The following CASD1 variants were observed in gnomAD, a reference collection of about 807,000 sequenced individuals.
CASD1 encodes the protein N-acetylneuraminate (7)9-O-acetyltransferase.
CASD1 carries 41 observed loss-of-function variants against 100.0 expected under a neutral mutation model. The observed-to-expected ratio is 0.41, with a 90% CI of 0.32 to 0.53. CASD1 has a LOEUF of 0.53. Ranked by LOEUF, CASD1 falls within the 20% of genes least tolerant of loss-of-function variation. CASD1 has a pLI of 0.25. For missense variants in CASD1, 774 were observed against 948.7 expected, an observed-to-expected ratio of 0.82 and a Z score of 2.42; for synonymous variants, 321 against 315.6, an observed-to-expected ratio of 1.02 and a Z score of -0.18.
At chr7:94,615,188 A>C in the CASD1 span, among the ~76,000 whole-genome samples, 1 of 152,046 alleles carries the variant, frequency 6.6e-6, no homozygotes, top group African/African-American at 2.4e-5. Flanking sequence ...GTGAAACCCC[A>C]TCTCTACTGA....
chr7:94,536,504 C>T (rs952770020), intron 8 of CASD1, among the ~76,000 whole-genome samples: 1 of 152,082 alleles, frequency 6.6e-6, no homozygotes, highest in African/African-American at 2.4e-5. Flanking sequence ...TTTTGTTCTT[C>T]TCCTGCAGAA....
chr7:94,631,779 T>G, the CASD1 span, among the ~76,000 whole-genome samples: 1 of 151,956 alleles, frequency 6.6e-6, no homozygotes. Context: ...AAAAGTCATT[T>G]CACTCTGTAT....
the CASD1 span, among the ~76,000 whole-genome samples, chr7:94,595,191 T>G: frequency 1.3e-5 from 2 of 152,178 alleles, no homozygotes; most frequent in African/African-American, 4.8e-5. Flanking sequence ...TGTGAAACAT[T>G]CTACCAAAAA....
the CASD1 span, among the ~76,000 whole-genome samples, chr7:94,579,904 C>T: frequency 6.6e-6 from 1 of 152,224 alleles, no homozygotes; most frequent in South Asian, 2.1e-4. Context: ...TCCTGATTCT[C>T]ATCCACTATT....
chr7:94,554,811 A>T (rs1176142997), intron 17 of CASD1, among the ~76,000 whole-genome samples: 1 of 152,122 alleles, frequency 6.6e-6, no homozygotes, highest in Non-Finnish European at 1.5e-5. Flanking sequence ...GATTACTTGC[A>T]AAATATTATT....
In CASD1 at chr7:94,526,210, G is replaced by A. The variant is rs942983291; in HGVS notation, c.352-952G>A. ...AACAAAACAGAAGTTCTTGCTTAGC[G>A]TTGCATGTCCTAGGTGGGCTGGCAA... On this transcript the variant is annotated intron_variant, in intron 3 of 17. Coordinates refer to ENST00000297273, the MANE Select transcript of CASD1 (RefSeq NM_022900.5). Among the ~76,000 whole-genome samples, 15 of 152,146 alleles carry A rather than the reference G, an allele frequency of 9.9e-5. 1 individual carries two copies. Among genetic ancestry groups the A allele is most frequent in the Admixed American group, 9.8e-4 (15 of 15,262 alleles).
At chr7:94,584,654 C>A in the CASD1 span, among the ~76,000 whole-genome samples, 1 of 152,166 alleles carries the variant, frequency 6.6e-6, no homozygotes, top group East Asian at 1.9e-4. Flanking sequence ...TCCAGCTAGT[C>A]CAGTCTGCAA....
chr7:94,510,193 C>T lies in CASD1; in HGVS notation c.109C>T (p.His37Tyr), dbSNP rs968933008. 5 of 1,491,774 alleles carry T rather than the reference C, an allele frequency of 3.4e-6. No homozygotes were observed. The highest frequency in any genetic ancestry group is 4.5e-6 in the Non-Finnish European group (5 of 1,121,478). The allele number at this position is 1,491,774 out of a possible 1,614,324, so 92.4% of individuals were successfully genotyped here. A position where few individuals can be genotyped will look rare whatever the true frequency, so the allele number is the denominator to read the frequency against. The change falls in exon 1 of 18, where the codon CAC (histidine) becomes TAC (tyrosine). Residue 37 changes from histidine to tyrosine, a missense_variant. This residue lies in a region of CASD1 where 75 missense variants were observed against 60.9 expected (regional missense o/e 1.23). Coordinates refer to ENST00000297273, the MANE Select transcript of CASD1 (RefSeq NM_022900.5). ...LVAVLLLAAC[H>Y]LASRRYRGND... ...GGCCGTGCTGCTGCTCGCAGCGTGC[C>T]ACCTCGCCTCCCGCCGCTACCGAGG...
At chr7:94,623,675 G>T in the CASD1 span, 2 of 447,162 alleles carry the variant, frequency 4.5e-6, no homozygotes, top group African/African-American at 2.0e-5. Context: ...TAGCAATGCA[G>T]ATGCATCATT....
the CASD1 span, among the ~76,000 whole-genome samples, chr7:94,569,078 T>A: frequency 2.6e-5 from 4 of 152,122 alleles, no homozygotes; most frequent in African/African-American, 9.7e-5. Context: ...TAAGACACTG[T>A]GTTGAGTGAA....
Position 94,555,791 on chromosome 7 carries a change from AG to A in CASD1, c.*35del, listed in dbSNP as rs1277134404. The A allele has an allele frequency of 6.3e-7, 1 of 1,586,684 alleles. No homozygotes were observed. Among genetic ancestry groups the A allele is most frequent in the Admixed American group, 1.7e-5 (1 of 57,536 alleles). ...AAATTCTAAAAAACCTAAACTCTTC[AG>A]GCTACCTTTGTGTGTCTCTAGAAGA... is the stretch of plus-strand genomic sequence containing the variant. On this transcript the variant is annotated 3_prime_UTR_variant, in exon 18 of 18. Coordinates refer to ENST00000297273, the MANE Select transcript of CASD1 (RefSeq NM_022900.5).
At chr7:94,548,992 G>C (rs1245571453) in intron 13 of CASD1, among the ~76,000 whole-genome samples, 1 of 151,936 alleles carries the variant, frequency 6.6e-6, no homozygotes, top group Non-Finnish European at 1.5e-5. Context: ...GGGTATGGTT[G>C]ATTGAGTAAG....
the CASD1 span, among the ~76,000 whole-genome samples, chr7:94,583,240 T>C: frequency 6.6e-6 from 1 of 152,234 alleles, no homozygotes; most frequent in East Asian, 1.9e-4. Context: ...CAGATGTGAA[T>C]TTTTAATGCA....
intron 7 of CASD1, 131 bp downstream of exon 7, chr7:94,533,933 G>A (rs1794978237): frequency 8.0e-6 from 6 of 752,358 alleles, no homozygotes; most frequent in Non-Finnish European, 9.9e-6. Context: ...TGCAAGATTA[G>A]AGTACACTTG....
the CASD1 span, chr7:94,627,999 A>G: frequency 3.1e-3 from 1,652 of 525,646 alleles, 19 homozygotes; most frequent in South Asian, 0.02. Flanking sequence ...CATTTTTAAT[A>G]TAAAAGCTGA....
chr7:94,633,137 A>G, the CASD1 span, among the ~76,000 whole-genome samples: 4 of 152,070 alleles, frequency 2.6e-5, no homozygotes, highest in African/African-American at 7.2e-5. Flanking sequence ...TGGTTTTGCA[A>G]TCTTCTACGG....
At chr7:94,558,596 A>C (rs530070853), downstream of CASD1, among the ~76,000 whole-genome samples, 20 of 152,270 alleles carry the variant, frequency 1.3e-4, no homozygotes, top group South Asian at 3.7e-3. Context: ...GATTGCATAC[A>C]TTTATGACTT....
chr7:94,546,060 C>CA (rs1489803825), intron 12 of CASD1, among the ~76,000 whole-genome samples: 6 of 151,930 alleles, frequency 3.9e-5, no homozygotes, highest in Non-Finnish European at 7.4e-5. Context: ...AATAGGCCTC[C>CA]ATGCCCCTAT....
At chr7:94,536,387 C>A (rs1208847343) in intron 8 of CASD1, among the ~76,000 whole-genome samples, 5 of 152,194 alleles carry the variant, frequency 3.3e-5, no homozygotes. Flanking sequence ...CAAATTTTCA[C>A]AAACAGTGGA....
Sources: gnomAD v4.1 joint callset for allele counts (sites outside exome capture counted in the v4.1 genomes callset) on GRCh38, gnomAD v4.1.1 for gene constraint, gnomAD v4.1.1 regional missense constraint, MANE v1.5 for transcripts, NCBI Gene and HGNC (gene_info 2026-07-23, HGNC 2026-07-21) for gene names.